The following MBD5 variants were observed in gnomAD, a reference collection of about 807,000 sequenced individuals.
The protein encoded by MBD5 is methyl-CpG binding domain protein 5.
A neutral mutation model predicts 117.3 loss-of-function variants in MBD5; 13 were observed. That is an observed-to-expected ratio of 0.11 (90% CI 0.07 to 0.18). The LOEUF is 0.18. MBD5 is among the 10% of genes least tolerant of loss of function. The pLI, the probability that MBD5 is intolerant of heterozygous loss-of-function variation, is 1.00. For missense variants in MBD5, 1,879 were observed against 2,093.8 expected (o/e 0.90, Z 2.00); for synonymous variants, 727 against 766.4 (o/e 0.95, Z 0.85).
chr2:148,512,885 C>A lies in MBD5; in HGVS notation c.5128C>A (p.Gln1710Lys). The A allele has an allele frequency of 6.2e-7, 1 of 1,613,762 alleles. No homozygotes were observed. The highest frequency in any genetic ancestry group is 8.5e-7 in the Non-Finnish European group (1 of 1,179,810). The change falls in exon 14 of 14, where the codon CAG becomes AAG. Residue 1710 changes from glutamine (Q) to lysine (K), a missense_variant. This residue lies in a region of MBD5 where 135 missense variants were observed against 148.0 expected (regional missense o/e 0.91). Transcript: ENST00000642680. ...TTATTTCCAGGTACACCAAATCCCA[C>A]AGGGTGACAGACAAATGAGACCCCC... ...KMSGTVHQIPQGDRQMRPPKP... is the reference protein window; with the variant it reads ...KMSGTVHQIPKGDRQMRPPKP...
chr2:148,039,661 G>A (rs1051736760), intron 1 of MBD5, among the ~76,000 whole-genome samples: 2 of 141,582 alleles, frequency 1.4e-5, no homozygotes, highest in Admixed American at 7.3e-5. Flanking sequence ...ATTTTATTAA[G>A]TGGGTTACTA....
At chr2:148,031,062 A>G (rs1376911460) in intron 1 of MBD5, among the ~76,000 whole-genome samples, 2 of 152,206 alleles carry the variant, frequency 1.3e-5, no homozygotes, top group South Asian at 2.1e-4. Flanking sequence ...GACAATTTCA[A>G]TCTGAGATAA....
intron 4 of MBD5, among the ~76,000 whole-genome samples, chr2:148,375,421 C>T (rs1392628941): frequency 6.6e-6 from 1 of 152,180 alleles, no homozygotes; most frequent in East Asian, 1.9e-4. Context: ...CCACTGCATG[C>T]AGCACTTACT....
At chr2:148,072,782 A>T (rs1046037514) in intron 1 of MBD5, among the ~76,000 whole-genome samples, 5 of 152,166 alleles carry the variant, frequency 3.3e-5, no homozygotes, top group African/African-American at 1.2e-4. Flanking sequence ...ATGTCCTAGG[A>T]AGGCTAGATC....
At chr2:148,039,947 G>C (rs1387025477) in intron 1 of MBD5, among the ~76,000 whole-genome samples, 2 of 152,034 alleles carry the variant, frequency 1.3e-5, no homozygotes, top group East Asian at 3.9e-4. Context: ...GTAATACTAG[G>C]CTATTGTCTA....
At chr2:148,328,484 A>G (rs1034189827) in intron 3 of MBD5, among the ~76,000 whole-genome samples, 8 of 152,226 alleles carry the variant, frequency 5.3e-5, no homozygotes, top group Non-Finnish European at 1.2e-4. Flanking sequence ...TGTGCTAGCA[A>G]TCAGCCAGAC....
intron 1 of MBD5, among the ~76,000 whole-genome samples, chr2:148,137,417 T>G (rs1339644141): frequency 6.6e-6 from 1 of 152,214 alleles, no homozygotes; most frequent in Non-Finnish European, 1.5e-5. Flanking sequence ...CTTTTCTGGT[T>G]TCTTCCCTTC....
chr2:148,456,681 C>A (rs536673010), intron 4 of MBD5, among the ~76,000 whole-genome samples: 2 of 152,174 alleles, frequency 1.3e-5, no homozygotes, highest in South Asian at 4.1e-4. Context: ...TGCAAATTTC[C>A]AGCTTGAGAC....
chr2:148,059,016 G>A (rs903596894), intron 1 of MBD5, among the ~76,000 whole-genome samples: 4 of 151,916 alleles, frequency 2.6e-5, no homozygotes, highest in African/African-American at 9.7e-5. Context: ...CTTGCACATA[G>A]TTTTTTTTAC....
At chr2:148,052,377 A>T (rs1694735766) in intron 1 of MBD5, among the ~76,000 whole-genome samples, 1 of 151,544 alleles carries the variant, frequency 6.6e-6, no homozygotes, top group Non-Finnish European at 1.5e-5. Context: ...CACCCAGCTA[A>T]TTGTGTATTT....
At chr2:148,345,567 G>A (rs201784241) in intron 4 of MBD5, among the ~76,000 whole-genome samples, 11 of 37,462 alleles carry the variant, frequency 2.9e-4, no homozygotes, top group East Asian at 8.3e-4. Context: ...GTATATACAC[G>A]TATACACATA....
chr2:148,452,954 C>T (rs1706773339), intron 4 of MBD5, among the ~76,000 whole-genome samples: 2 of 152,032 alleles, frequency 1.3e-5, no homozygotes, highest in South Asian at 4.2e-4. Flanking sequence ...TTTATAAGCC[C>T]ACATGGTAAA....
intron 1 of MBD5, chr2:148,054,327 TTTTA>T (rs1694800036): frequency 6.6e-6 from 1 of 152,234 alleles, no homozygotes; most frequent in Non-Finnish European, 1.5e-5. Context: ...TACATTTAAA[TTTTA>T]TTTGATTTAA....
rs555837490 is a variant in MBD5, at chr2:148,154,574, A to C, written c.-924-24126A>C. Among the ~76,000 whole-genome samples, 10 of 152,328 alleles carry C rather than the reference A, an allele frequency of 6.6e-5. No individual in the cohort carries two copies. In the East Asian group the frequency reaches 1.9e-3, roughly 29 times the overall value. On this transcript the variant is annotated intron_variant, in intron 1 of 13. Transcript: ENST00000642680. ...TTTGATCTCAGGCTGCTGTGCTATC[A>C]ATCAGCGAGACTCCCTGGGCTTAGG...
rs1221079229 is a variant in MBD5, at chr2:148,152,882, A to T, written c.-924-25818A>T. Among the ~76,000 whole-genome samples the T allele has an allele frequency of 1.3e-4, 20 of 151,692 alleles. No individual in the cohort carries two copies. In the South Asian group the frequency reaches 3.8e-3, roughly 29 times the overall value. On this transcript the variant is annotated intron_variant, in intron 1 of 13. Transcript: ENST00000642680. ...GAATACAGCACACTGATGGGTCTTGACTCTTTATCCAATTTGCCAGTCTCT... is the reference window on the plus strand; with the variant it reads ...GAATACAGCACACTGATGGGTCTTGTCTCTTTATCCAATTTGCCAGTCTCT...
chr2:148,130,760 G>A (rs1263981259), intron 1 of MBD5, among the ~76,000 whole-genome samples: 1 of 152,134 alleles, frequency 6.6e-6, no homozygotes, highest in East Asian at 1.9e-4. Flanking sequence ...GCAGGCTTTG[G>A]TTTGCTATCC....
At chr2:148,242,607 T>C (rs907723982) in intron 3 of MBD5, among the ~76,000 whole-genome samples, 24 of 152,142 alleles carry the variant, frequency 1.6e-4, no homozygotes, top group African/African-American at 5.5e-4. Flanking sequence ...TTTCTGATTT[T>C]AGAGTCAGAT....
intron 4 of MBD5, among the ~76,000 whole-genome samples, chr2:148,401,904 T>A (rs556625589): frequency 6.6e-6 from 1 of 152,248 alleles, no homozygotes; most frequent in African/African-American, 2.4e-5. Flanking sequence ...CTTGACACTT[T>A]CAGTACTATT....
intron 1 of MBD5, among the ~76,000 whole-genome samples, chr2:148,135,754 A>G (rs1697154433): frequency 6.6e-6 from 1 of 152,126 alleles, no homozygotes; most frequent in Non-Finnish European, 1.5e-5. Context: ...AGGCAAAAGG[A>G]TTATTTTTGG....
Sources: allele counts gnomAD v4.1 joint callset (sites outside exome capture counted in the v4.1 genomes callset), GRCh38; gene constraint gnomAD v4.1.1; regional missense constraint gnomAD v4.1.1; transcripts MANE v1.5; gene names NCBI Gene and HGNC (gene_info 2026-07-23, HGNC 2026-07-21).